Variants in LIMK2 observed in about 807,000 individuals in gnomAD.
LIMK2 encodes LIM domain kinase 2.
In LIMK2, 35 loss-of-function variants were observed where a neutral mutation model predicts 75.7. The observed-to-expected ratio is 0.46, with a 90% CI of 0.35 to 0.61. LIMK2 has a LOEUF of 0.61. LIMK2 is among the 20% of genes least tolerant of loss of function. LIMK2 has a pLI of 0.00. For missense variants in LIMK2, 623 were observed against 831.0 expected, an observed-to-expected ratio of 0.75 and a Z score of 3.08; for synonymous variants, 301 against 319.2, an observed-to-expected ratio of 0.94 and a Z score of 0.61.
intron 2 of LIMK2, among the ~76,000 whole-genome samples, chr22:31,257,760 G>C (rs2048798632): frequency 6.6e-6 from 1 of 152,046 alleles, no homozygotes; most frequent in Admixed American, 6.6e-5. Flanking sequence ...TTCTAGATTT[G>C]CCTGATTAGT....
chr22:31,227,841 T>C (rs553083125), intron 2 of LIMK2, among the ~76,000 whole-genome samples: 1 of 152,314 alleles, frequency 6.6e-6, no homozygotes, highest in Non-Finnish European at 1.5e-5. Context: ...CTCTTAGAGC[T>C]AAAAAACTTC....
chr22:31,241,348 A>T (rs1257849290), intron 2 of LIMK2, among the ~76,000 whole-genome samples: 1 of 152,172 alleles, frequency 6.6e-6, no homozygotes, highest in African/African-American at 2.4e-5. Flanking sequence ...TGTGACCTTA[A>T]ACAGCAACCT....
At chr22:31,245,739 TATATGACCTGTG>T (rs962595680) in intron 2 of LIMK2, among the ~76,000 whole-genome samples, 1 of 152,122 alleles carries the variant, frequency 6.6e-6, no homozygotes, top group African/African-American at 2.4e-5. Flanking sequence ...ATGCCTGGCC[TATATGACCTGTG>T]ATTTTTAATG....
At chr22:31,228,154 C>T (rs1221624457) in intron 2 of LIMK2, among the ~76,000 whole-genome samples, 4 of 152,038 alleles carry the variant, frequency 2.6e-5, no homozygotes, top group African/African-American at 7.2e-5. Flanking sequence ...TGGTGGCTCA[C>T]GCCTGTAATC....
At chr22:31,258,262 A>G (rs372311324) in intron 2 of LIMK2, 29 bp from the exon 3 acceptor site, 442 of 1,572,404 alleles carry the variant, frequency 2.8e-4, no homozygotes, top group Non-Finnish European at 3.6e-4. Flanking sequence ...GGGATCCAGG[A>G]GAATTTCAGT....
chr22:31,217,605 T>C (rs1453843273), intron 1 of LIMK2, among the ~76,000 whole-genome samples: 1 of 152,224 alleles, frequency 6.6e-6, no homozygotes, highest in Admixed American at 6.5e-5. Context: ...AAAGTAGTTT[T>C]TTTCCTCTAT....
chr22:31,247,147 A>G (rs2048678577), intron 2 of LIMK2, among the ~76,000 whole-genome samples: 2 of 152,202 alleles, frequency 1.3e-5, no homozygotes, highest in Admixed American at 6.5e-5. Context: ...GCTCTTTACA[A>G]TGGTGAGCGG....
intron 2 of LIMK2, among the ~76,000 whole-genome samples, chr22:31,226,506 A>G (rs1420293453): frequency 6.6e-6 from 1 of 152,232 alleles, no homozygotes; most frequent in African/African-American, 2.4e-5. Context: ...CCCAGCCAAG[A>G]GTTGTTTTTA....
chr22:31,274,927 GT>G (rs1157168343), intron 14 of LIMK2, among the ~76,000 whole-genome samples: 1 of 152,144 alleles, frequency 6.6e-6, no homozygotes, highest in Non-Finnish European at 1.5e-5. Context: ...GGCTTCTGCA[GT>G]GAAGCCCCTT....
At chr22:31,244,469 C>G (rs2048649081) in intron 2 of LIMK2, among the ~76,000 whole-genome samples, 2 of 152,112 alleles carry the variant, frequency 1.3e-5, no homozygotes, top group South Asian at 4.1e-4. Flanking sequence ...CTGGGCAGCC[C>G]TTTCAGTATC....
rs1046746733 is a variant in LIMK2, at chr22:31,248,372, G to A, written c.117-9919G>A. ...AGAAGAAGGCTAACTTGACAGCAGC[G>A]CTTCTTTCTTAGCTAGTCACCGGCC... is the stretch of plus-strand genomic sequence containing the variant. On this transcript the variant is annotated intron_variant, in intron 2 of 15. Transcript: ENST00000331728. The A allele has an allele frequency of 4.6e-6, 6 of 1,296,824 alleles. No individual in the cohort carries two copies. In the Admixed American group the frequency reaches 7.8e-5, roughly 17 times the overall value. The allele number at this position is 1,296,824 out of a possible 1,614,324, so 80.3% of individuals were successfully genotyped here. A position where few individuals can be genotyped will look rare whatever the true frequency, so the allele number is the denominator to read the frequency against.
intron 15 of LIMK2, among the ~76,000 whole-genome samples, chr22:31,277,921 G>A (rs1171480985): frequency 6.6e-6 from 1 of 152,142 alleles, no homozygotes; most frequent in African/African-American, 2.4e-5. Context: ...GCATAAACAT[G>A]GAGGAGGAGG....
intron 1 of LIMK2, among the ~76,000 whole-genome samples, chr22:31,218,022 G>A (rs1164221998): frequency 1.3e-5 from 2 of 152,090 alleles, no homozygotes; most frequent in Non-Finnish European, 2.9e-5. Context: ...TCAGATTTTA[G>A]AAGTTTCTGT....
chr22:31,234,677 C>A (rs894410081), intron 2 of LIMK2, among the ~76,000 whole-genome samples: 6 of 145,782 alleles, frequency 4.1e-5, no homozygotes, highest in Admixed American at 7.0e-5. Context: ...GCCCAGATCA[C>A]GCCACTGCAC....
Position 31,212,363 on chromosome 22 carries a change from G to A in LIMK2, c.-46G>A. 1 of 1,332,464 alleles carries A rather than the reference G, an allele frequency of 7.5e-7. No homozygotes were observed. Among genetic ancestry groups the A allele is most frequent in the South Asian group, 2.7e-5 (1 of 37,384 alleles). 82.5% of individuals were successfully genotyped at this position (1,332,464 alleles called of 1,614,324 possible). A position where few individuals can be genotyped will look rare whatever the true frequency, so the allele number is the denominator to read the frequency against. ...GAGTTGTAGGGAACTGAGGGGAGCTGCTGTGTCCCCCGCCTCCTCCTCCCC... is the reference window on the plus strand; with the variant it reads ...GAGTTGTAGGGAACTGAGGGGAGCTACTGTGTCCCCCGCCTCCTCCTCCCC... On this transcript the variant is annotated 5_prime_UTR_variant, in exon 1 of 16. Coordinates refer to ENST00000331728, the MANE Select transcript of LIMK2 (RefSeq NM_005569.4).
At chr22:31,265,880 C>A (rs2048888495) in intron 7 of LIMK2, 66 bp from the exon 8 acceptor site, 6 of 1,421,842 alleles carry the variant, frequency 4.2e-6, no homozygotes, top group Non-Finnish European at 5.9e-6. Context: ...AGTTTCCTCC[C>A]TCCAGGGTTT....
intron 1 of LIMK2, among the ~76,000 whole-genome samples, chr22:31,216,652 G>A (rs993501373): frequency 1.3e-5 from 2 of 152,186 alleles, no homozygotes; most frequent in Non-Finnish European, 2.9e-5. Context: ...ATGTGATGGA[G>A]CAGGGTAGGG....
chr22:31,278,338 C>A lies in LIMK2; in HGVS notation c.1814C>A (p.Ser605Tyr). ...SKLEDSFEALSLYLGELGIPL... is the reference protein window; with the variant it reads ...SKLEDSFEALYLYLGELGIPL... ...TTGGAGGACTCCTTTGAGGCCCTCT[C>A]CCTGTACCTGGGGGAGCTGGGCATC... is the stretch of plus-strand genomic sequence containing the variant. Residue 605 changes from serine (S) to tyrosine (Y), a missense_variant, in exon 16 of 16, where the codon TCC becomes TAC. By Grantham distance (144) the Ser-to-Tyr change is moderately radical. Around this residue, in one of 3 missense-constraint regions of LIMK2, gnomAD observed 46 missense variants for 46.9 expected, o/e 0.98. Transcript: ENST00000331728. 1 of 1,613,904 alleles carries A rather than the reference C, an allele frequency of 6.2e-7. No homozygotes were observed. The highest frequency in any genetic ancestry group is 8.5e-7 in the Non-Finnish European group (1 of 1,179,904).
intron 2 of LIMK2, among the ~76,000 whole-genome samples, chr22:31,234,645 T>TGGGAGGCAGAGGTTGCA (rs1334430359): frequency 7.2e-6 from 1 of 139,244 alleles, no homozygotes; most frequent in Admixed American, 8.2e-5. Flanking sequence ...CACTTGAACC[T>TGGGAGGCAGAGGTTGCA]GGGAGGCAGA....
Sources: gnomAD v4.1 joint callset for allele counts (sites outside exome capture counted in the v4.1 genomes callset) on GRCh38, gnomAD v4.1.1 for gene constraint, gnomAD v4.1.1 regional missense constraint, MANE v1.5 for transcripts, NCBI Gene and HGNC (gene_info 2026-07-23, HGNC 2026-07-21) for gene names.